VPS26A: variants seen among roughly 807,000 people sequenced by gnomAD.
The protein encoded by VPS26A is VPS26 retromer complex component A, also known as vacuolar protein sorting-associated protein 26A.
A neutral mutation model predicts 42.4 loss-of-function variants in VPS26A; 22 were observed. That is an observed-to-expected ratio of 0.52 (90% CI 0.37 to 0.74). VPS26A has a LOEUF of 0.74. Among genes scored for constraint, VPS26A ranks in the 30% least tolerant of loss-of-function variants. The probability of loss-of-function intolerance (pLI) is 0.00; values close to 1 mark genes in which losing one functional copy is unlikely to be tolerated. For missense variants in VPS26A, 276 were observed against 379.2 expected (o/e 0.73, Z 2.26); for synonymous variants, 110 against 123.5 (o/e 0.89, Z 0.73).
chr10:69,155,686 G>A (rs1002552829), intron 2 of VPS26A, 126 bp from the exon 3 acceptor site: 5 of 716,090 alleles, frequency 7.0e-6, no homozygotes, highest in African/African-American at 1.8e-5. Context: ...TTAGGTATGT[G>A]GTGGTGTCTC....
chr10:69,170,388 ATG>A (rs1405026136), intron 8 of VPS26A: 1 of 152,062 alleles, frequency 6.6e-6, no homozygotes, highest in Non-Finnish European at 1.5e-5. Flanking sequence ...GTTATTTCCC[ATG>A]TGCACTCATT....
intron 2 of VPS26A, among the ~76,000 whole-genome samples, chr10:69,141,716 T>TA (rs1381472430): frequency 2.0e-5 from 3 of 152,200 alleles, no homozygotes; most frequent in African/African-American, 7.2e-5. Flanking sequence ...GTCCAGACAT[T>TA]AAAAAACCTA....
chr10:69,171,835 G>T lies in VPS26A; in HGVS notation c.*566G>T, dbSNP rs1355246414. On this transcript the variant is annotated 3_prime_UTR_variant, in exon 9 of 9. Transcript: ENST00000263559. ...AAGCATATGGAGTGTTTCACCGCAG[G>T]CACTTCTGAGTACCATTCCATGGCT... 6.6e-6 allele frequency: 1 copy of T among 152,612 alleles called. No homozygotes were observed. The highest frequency in any genetic ancestry group is 1.5e-5 in the Non-Finnish European group (1 of 68,182). 9.5% of individuals were successfully genotyped at this position (152,612 alleles called of 1,614,324 possible). A position where few individuals can be genotyped will look rare whatever the true frequency, so the allele number is the denominator to read the frequency against.
chr10:69,137,352 C>T (rs1362486209), intron 2 of VPS26A, among the ~76,000 whole-genome samples: 1 of 152,202 alleles, frequency 6.6e-6, no homozygotes, highest in East Asian at 1.9e-4. Flanking sequence ...TGCTCAGGGA[C>T]TTACCAGGTT....
chr10:69,161,868 G>A (rs978963170), intron 5 of VPS26A: 6 of 241,606 alleles, frequency 2.5e-5, no homozygotes, highest in Admixed American at 4.0e-5. Context: ...CAGTAGTAAC[G>A]TCCCTTATAC....
intron 5 of VPS26A, chr10:69,161,713 A>G: frequency 2.5e-6 from 1 of 394,104 alleles, no homozygotes; most frequent in South Asian, 2.1e-5. Context: ...AAGGGCCTCC[A>G]CCAACTTAAC....
intron 2 of VPS26A, among the ~76,000 whole-genome samples, chr10:69,146,740 A>T (rs1841168687): frequency 6.6e-6 from 1 of 152,166 alleles, no homozygotes; most frequent in African/African-American, 2.4e-5. Flanking sequence ...ATGTATGAGA[A>T]CATCATTCTT....
intron 1 of VPS26A, among the ~76,000 whole-genome samples, chr10:69,126,258 T>C (rs1014710773): frequency 4.6e-5 from 7 of 152,028 alleles, no homozygotes; most frequent in Admixed American, 2.6e-4. Flanking sequence ...AGTCGGGAGT[T>C]TGAGACCAGC....
chr10:69,132,340 G>A (rs1306498347), intron 1 of VPS26A, among the ~76,000 whole-genome samples: 1 of 96,804 alleles, frequency 1.0e-5, no homozygotes, highest in Non-Finnish European at 2.7e-5. Context: ...ATTTGTTTAG[G>A]GTTTTTTTTT....
intron 2 of VPS26A, chr10:69,133,565 G>C (rs909113656): frequency 1.1e-5 from 14 of 1,289,394 alleles, no homozygotes; most frequent in Admixed American, 4.6e-5. Flanking sequence ...CTTTTGGGAT[G>C]TGTCTATGCA....
At chr10:69,144,939 T>C (rs1841121650) in intron 2 of VPS26A, among the ~76,000 whole-genome samples, 1 of 152,158 alleles carries the variant, frequency 6.6e-6, no homozygotes, top group Non-Finnish European at 1.5e-5. Flanking sequence ...TTGTTTATGC[T>C]TTTCATATCT....
At chr10:69,162,243 G>A (rs1322183935) in intron 5 of VPS26A, among the ~76,000 whole-genome samples, 163 bp from the exon 6 acceptor site, 1 of 152,094 alleles carries the variant, frequency 6.6e-6, no homozygotes, top group Non-Finnish European at 1.5e-5. Flanking sequence ...GCCCACCCCG[G>A]CCTTCCAGAG....
chr10:69,141,642 C>T (rs370935455), intron 2 of VPS26A, among the ~76,000 whole-genome samples: 70 of 152,170 alleles, frequency 4.6e-4, no homozygotes, highest in African/African-American at 1.5e-3. Flanking sequence ...AGATTTTATC[C>T]TAAAATAATC....
In VPS26A at chr10:69,143,032, T is replaced by A. The variant is rs564064247; in HGVS notation, c.153+9985T>A. The stretch of plus-strand genomic sequence containing the variant: ...AAGTTTGTTTCAGGTAAACTTAATA[T>A]TGGTTCCTGACATATCTTTAGATTA... On this transcript the variant is annotated intron_variant, in intron 2 of 8. Transcript: ENST00000263559. 9.8e-5 allele frequency among the ~76,000 whole-genome samples: 15 copies of A among 152,332 alleles called. No homozygotes were observed. In the South Asian group the frequency reaches 2.9e-3, roughly 29 times the overall value.
intron 2 of VPS26A, among the ~76,000 whole-genome samples, chr10:69,154,861 C>T (rs1014728083): frequency 6.6e-6 from 1 of 152,148 alleles, no homozygotes; most frequent in Non-Finnish European, 1.5e-5. Context: ...GAGACTCTGT[C>T]TCTTAAAATA....
chr10:69,142,962 G>C (rs1304350853), intron 2 of VPS26A, among the ~76,000 whole-genome samples: 1 of 152,118 alleles, frequency 6.6e-6, no homozygotes, highest in Non-Finnish European at 1.5e-5. Flanking sequence ...AAATGAGAGA[G>C]GTTCTAGAAT....
intron 1 of VPS26A, among the ~76,000 whole-genome samples, chr10:69,127,772 C>T (rs1406495930): frequency 2.1e-5 from 3 of 143,944 alleles, no homozygotes; most frequent in Non-Finnish European, 3.0e-5. Context: ...CTTGCTCTGC[C>T]GCCCAGTCAG....
rs1841586659 is a variant in VPS26A, at chr10:69,162,614, C to G, written c.658+102C>G. 3 of 646,680 alleles carry G rather than the reference C, an allele frequency of 4.6e-6. No homozygotes were observed. The highest frequency in any genetic ancestry group is 6.8e-5 in the East Asian group (2 of 29,264). The allele number at this position is 646,680 out of a possible 1,614,324, so 40.1% of individuals were successfully genotyped here. ...CATAATTTGATATCCACATTGAGTA[C>G]TAATTTTGCTAGTTAATATTGCTGG... On this transcript the variant is annotated intron_variant, in intron 6 of 8. Transcript: ENST00000263559.
intron 5 of VPS26A, among the ~76,000 whole-genome samples, chr10:69,159,051 C>T (rs960969345): frequency 1.3e-5 from 2 of 152,004 alleles, no homozygotes; most frequent in Non-Finnish European, 2.9e-5. Context: ...AATTATGGTC[C>T]AGCCATACTG....
Sources: gnomAD v4.1 joint callset for allele counts (sites outside exome capture counted in the v4.1 genomes callset) on GRCh38, gnomAD v4.1.1 for gene constraint, MANE v1.5 for transcripts, NCBI Gene and HGNC (gene_info 2026-07-23, HGNC 2026-07-21) for gene names.